Variants in PDE11A observed in about 807,000 individuals in gnomAD.
The protein encoded by PDE11A is dual 3',5'-cyclic-AMP and -GMP phosphodiesterase 11A.
Under a neutral mutation model 100.5 loss-of-function variants are expected in PDE11A, and 100 were observed. The observed-to-expected ratio is 1.00, with a 90% CI of 0.85 to 1.18. The LOEUF (loss-of-function observed/expected upper bound fraction) is 1.18. PDE11A is among the 50% of genes most tolerant of loss of function. The pLI is 0.00. For missense variants in PDE11A, 1,141 were observed against 1,152.6 expected (o/e 0.99, Z 0.15); for synonymous variants, 381 against 420.8 (o/e 0.91, Z 1.16).
At chr2:178,022,223 A>T (rs1227048194) in intron 1 of PDE11A, among the ~76,000 whole-genome samples, 1 of 152,168 alleles carries the variant, frequency 6.6e-6, no homozygotes, top group Admixed American at 6.5e-5. Context: ...AGGTAGAATG[A>T]ATAGAACTGA....
intron 5 of PDE11A, among the ~76,000 whole-genome samples, chr2:177,874,444 C>A (rs2084197537): frequency 6.6e-6 from 1 of 152,178 alleles, no homozygotes; most frequent in Non-Finnish European, 1.5e-5. Context: ...TCCATGTCTG[C>A]ATTTTGGTTA....
intron 1 of PDE11A, among the ~76,000 whole-genome samples, chr2:178,053,024 A>T (rs536109748): frequency 1.3e-5 from 2 of 152,342 alleles, no homozygotes; most frequent in South Asian, 4.1e-4. Context: ...TGAGGCCAGC[A>T]TCTTCCTGAC....
intron 1 of PDE11A, among the ~76,000 whole-genome samples, chr2:178,055,128 A>C (rs74576841): frequency 0.28 from 42,168 of 151,874 alleles, 5,979 homozygotes; most frequent in Non-Finnish European, 0.31. Context: ...CTGGATTAAG[A>C]AAATGTGGCA....
chr2:178,088,240 A>G (rs2105882307), intron 2 of PDE11A, among the ~76,000 whole-genome samples: 1 of 152,378 alleles, frequency 6.6e-6, no homozygotes, highest in East Asian at 1.9e-4. Context: ...TGCAAAGAAG[A>G]CAATTTGATT....
chr2:178,073,067 C>A (rs990385452), upstream of PDE11A: 1 of 985,408 alleles, frequency 1.0e-6, no homozygotes, highest in Non-Finnish European at 1.2e-6. Context: ...GCCCCTTAAT[C>A]CGTTAGCGTT....
At chr2:177,764,130 T>C (rs1228355289) in intron 10 of PDE11A, among the ~76,000 whole-genome samples, 1 of 152,246 alleles carries the variant, frequency 6.6e-6, no homozygotes, top group Non-Finnish European at 1.5e-5. Context: ...TAAGATCCTA[T>C]TTTTGATGCA....
Position 177,727,783 on chromosome 2 carries a change from G to T in PDE11A, c.1936-18C>A. ...CACAGTGTCTGAAATGGGAGGGAGA[G>T]GGTGCGTCAGGCAGTTGTAAGTGAT... On this transcript the variant is annotated intron_variant, in intron 11 of 19. Transcript: ENST00000286063. 1 of 1,425,900 alleles carries T rather than the reference G, an allele frequency of 7.0e-7. No homozygotes were observed. The highest frequency in any genetic ancestry group is 9.9e-7 in the Non-Finnish European group (1 of 1,008,340). 88.3% of individuals were successfully genotyped at this position (1,425,900 alleles called of 1,614,324 possible).
chr2:178,080,740 G>A (rs971468591), intron 2 of PDE11A, among the ~76,000 whole-genome samples: 19 of 151,664 alleles, frequency 1.3e-4, no homozygotes. Flanking sequence ...GTTTCCATTA[G>A]TCTCATCTGT....
chr2:177,814,746 G>A (rs1381060308), intron 9 of PDE11A, among the ~76,000 whole-genome samples: 1 of 152,208 alleles, frequency 6.6e-6, no homozygotes, highest in East Asian at 1.9e-4. Context: ...TGTTCACTAT[G>A]AACTGAAATA....
chr2:177,672,490 A>G (rs1307982845), intron 17 of PDE11A, among the ~76,000 whole-genome samples: 41 of 152,226 alleles, frequency 2.7e-4, no homozygotes, highest in Non-Finnish European at 5.9e-5. Flanking sequence ...AGACAGAAAA[A>G]GACCCTAAAA....
At chr2:177,823,707 T>C (rs1163535368) in intron 6 of PDE11A, among the ~76,000 whole-genome samples, 5 of 152,178 alleles carry the variant, frequency 3.3e-5, no homozygotes, top group African/African-American at 1.2e-4. Context: ...GCAATACCAG[T>C]AAGCATGAAG....
At chr2:177,914,343 C>T (rs1246973803) in intron 2 of PDE11A, among the ~76,000 whole-genome samples, 1 of 152,120 alleles carries the variant, frequency 6.6e-6, no homozygotes, top group Non-Finnish European at 1.5e-5. Flanking sequence ...ATTAGGCCTA[C>T]AAGCTATGAG....
At chr2:177,926,805 C>T (rs1222724542) in intron 2 of PDE11A, 2 of 152,064 alleles carry the variant, frequency 1.3e-5, no homozygotes, top group East Asian at 3.9e-4. Context: ...GGCCTATGTA[C>T]TTAAAATCCT....
chr2:178,080,766 T>C (rs2087275418), intron 2 of PDE11A, among the ~76,000 whole-genome samples: 1 of 152,100 alleles, frequency 6.6e-6, no homozygotes, highest in African/African-American at 2.4e-5. Flanking sequence ...ATGGCTTGAT[T>C]CAAAGATGAA....
intron 10 of PDE11A, among the ~76,000 whole-genome samples, chr2:177,734,594 T>C (rs2081745278): frequency 6.6e-6 from 1 of 152,204 alleles, no homozygotes; most frequent in Admixed American, 6.5e-5. Context: ...CCTAGAACAC[T>C]CTTCATGACA....
intron 19 of PDE11A, among the ~76,000 whole-genome samples, chr2:177,662,249 A>G (rs900343929): frequency 3.3e-5 from 5 of 152,352 alleles, no homozygotes; most frequent in African/African-American, 1.2e-4. Flanking sequence ...AGCCTTTCCT[A>G]TAACCAACAC....
At chr2:177,689,031 G>T (rs1369037528) in intron 15 of PDE11A, among the ~76,000 whole-genome samples, 2 of 152,242 alleles carry the variant, frequency 1.3e-5, no homozygotes, top group East Asian at 3.9e-4. Flanking sequence ...CATTAGGAAG[G>T]TTTTACTGCT....
At chr2:177,850,680 A>C (rs1184314589) in intron 5 of PDE11A, among the ~76,000 whole-genome samples, 3 of 152,206 alleles carry the variant, frequency 2.0e-5, no homozygotes, top group East Asian at 1.9e-4. Flanking sequence ...AACTCAAACA[A>C]ATTTACAAGA....
At chr2:177,759,223 T>C (rs1160349971) in intron 10 of PDE11A, among the ~76,000 whole-genome samples, 2 of 151,756 alleles carry the variant, frequency 1.3e-5, no homozygotes, top group Non-Finnish European at 2.9e-5. Context: ...ATGGAAACAG[T>C]ATCAGGAGCT....
Sources: gnomAD v4.1 joint callset for allele counts (sites outside exome capture counted in the v4.1 genomes callset) on GRCh38, gnomAD v4.1.1 for gene constraint, MANE v1.5 for transcripts, NCBI Gene and HGNC (gene_info 2026-07-23, HGNC 2026-07-21) for gene names.